PODN: variants seen among roughly 807,000 people sequenced by gnomAD.
PODN encodes the protein podocan, also known as podocan proteoglycan.
In PODN, 40 loss-of-function variants were observed where a neutral mutation model predicts 52.7. The ratio of observed to expected loss-of-function variants is 0.76; its 90% CI spans 0.59 to 0.99. The LOEUF (loss-of-function observed/expected upper bound fraction) is 0.99. PODN is among the 50% of genes least tolerant of loss of function. The pLI, the probability that PODN is intolerant of heterozygous loss-of-function variation, is 0.00. For missense variants in PODN, 720 were observed against 815.1 expected (o/e 0.88, Z 1.42); for synonymous variants, 396 against 377.9 (o/e 1.05, Z -0.56).
intron 1 of PODN, 39 bp downstream of exon 1, chr1:53,062,347 G>C: frequency 8.2e-7 from 1 of 1,226,430 alleles, no homozygotes; most frequent in Non-Finnish European, 1.0e-6. Flanking sequence ...CGAGGGGCCG[G>C]GGGCTGAGCC....
intron 9 of PODN, among the ~76,000 whole-genome samples, chr1:53,081,265 G>A (rs1572278947): frequency 6.6e-6 from 1 of 152,350 alleles, no homozygotes; most frequent in Non-Finnish European, 1.5e-5. Context: ...GGGGCTAAGA[G>A]ATGGGGATTT....
chr1:53,077,834 C>A (rs781142584), intron 7 of PODN, 34 bp downstream of exon 7: 1 of 1,586,546 alleles, frequency 6.3e-7, no homozygotes, highest in Non-Finnish European at 8.6e-7. Flanking sequence ...CTTGGCGTGA[C>A]CACGGGGCCC....
At chr1:53,075,771 T>A in intron 4 of PODN, 91 bp from the exon 5 acceptor site, 1 of 1,062,146 alleles carries the variant, frequency 9.4e-7, no homozygotes, top group Non-Finnish European at 1.4e-6. Flanking sequence ...GGAGACACAG[T>A]GAAGGGGCCC....
chr1:53,072,031 C>T (rs1017401265), intron 3 of PODN, among the ~76,000 whole-genome samples: 1 of 149,918 alleles, frequency 6.7e-6, no homozygotes, highest in Non-Finnish European at 1.5e-5. Flanking sequence ...TCATCAATTC[C>T]ATTACAGGTC....
chr1:53,077,278 C>A lies in PODN; in HGVS notation c.670C>A (p.Leu224Met). 1 of 1,613,470 alleles carries A rather than the reference C, an allele frequency of 6.2e-7. No individual in the cohort carries two copies. The highest frequency in any genetic ancestry group is 8.5e-7 in the Non-Finnish European group (1 of 1,180,026). The stretch of plus-strand genomic sequence containing the variant: ...CTCCAGCAACGTCGAGGTCCTCATC[C>A]TGTCCAGCAACTTCCTGCGCCACGT... ...NGSSNVEVLI[L>M]SSNFLRHVPK... Residue 224 changes from leucine (L) to methionine (M), a missense_variant, in exon 6 of 11, where the codon CTG (leucine) becomes ATG (methionine). By Grantham distance (15) the Leu-to-Met change is conservative (BLOSUM62 2). Transcript: ENST00000312553.
At chr1:53,079,127 G>A in intron 8 of PODN, 105 bp downstream of exon 8, 2 of 1,362,098 alleles carry the variant, frequency 1.5e-6, no homozygotes, top group Non-Finnish European at 1.9e-6. Flanking sequence ...TGGGTGGTGA[G>A]GGAGGTTCCT....
chr1:53,080,200 G>A (rs1644262006), intron 8 of PODN, among the ~76,000 whole-genome samples: 1 of 152,102 alleles, frequency 6.6e-6, no homozygotes, highest in African/African-American at 2.4e-5. Flanking sequence ...GGTCACTGTG[G>A]GTCTCACACC....
At chr1:53,072,349 C>G (rs1222952857) in intron 3 of PODN, among the ~76,000 whole-genome samples, 2 of 152,190 alleles carry the variant, frequency 1.3e-5, no homozygotes, top group African/African-American at 4.8e-5. Context: ...CTATGCAACT[C>G]TGTCTTAAGC....
At chr1:53,080,323 G>A (rs1288394) in intron 8 of PODN, among the ~76,000 whole-genome samples, 147,126 of 152,310 alleles carry the variant, frequency 0.97, 71,273 homozygotes, top group East Asian at 1. Flanking sequence ...CAGAGTCTGG[G>A]GGATCCCTGG....
chr1:53,069,514 C>A (rs1644079705), intron 1 of PODN, among the ~76,000 whole-genome samples: 1 of 152,224 alleles, frequency 6.6e-6, no homozygotes, highest in South Asian at 2.1e-4. Context: ...TCAGCACAGT[C>A]CAGGTCGTGT....
Position 53,069,800 on chromosome 1 carries a change from G to A in PODN, c.-55-1G>A, listed in dbSNP as rs1015809950. The A allele has an allele frequency of 3.8e-6, 6 of 1,578,224 alleles. No individual in the cohort carries two copies. The African/African-American group carries it at 8.1e-5, about 21-fold the overall frequency. On this transcript the variant is annotated splice_acceptor_variant, in intron 1 of 10. Coordinates refer to ENST00000312553, the MANE Select transcript of PODN (RefSeq NM_153703.5). LOFTEE classifies it low-confidence loss of function (5UTR_SPLICE). ...CCAGCTGTGTCCACTGTACCTCACAGGTTCCGTCAGCCCTGGCGCCCAGGC... is the reference window on the plus strand; with the variant it reads ...CCAGCTGTGTCCACTGTACCTCACAAGTTCCGTCAGCCCTGGCGCCCAGGC...
At chr1:53,077,426 T>C in intron 6 of PODN, 80 bp downstream of exon 6, 1 of 1,561,208 alleles carries the variant, frequency 6.4e-7, no homozygotes, top group Non-Finnish European at 8.7e-7. Context: ...GGGGAAGAGC[T>C]CAGGCCCACA....
chr1:53,066,693 AAC>A, intron 1 of PODN: 1 of 860,640 alleles, frequency 1.2e-6, no homozygotes, highest in Non-Finnish European at 1.8e-6. Flanking sequence ...TTTGCCACTT[AAC>A]AGCTGTTCAC....
At chr1:53,079,665 C>T (rs1034766307) in intron 8 of PODN, among the ~76,000 whole-genome samples, 7 of 152,160 alleles carry the variant, frequency 4.6e-5, no homozygotes, top group Admixed American at 4.6e-4. Flanking sequence ...ACATAGTTCA[C>T]TTTGGTAACA....
intron 2 of PODN, chr1:53,071,244 G>T (rs1644112291): frequency 1.4e-5 from 4 of 281,642 alleles, no homozygotes; most frequent in Non-Finnish European, 2.6e-5. Context: ...CGCTCCAGGA[G>T]CACGCCTGGA....
intron 2 of PODN, 91 bp downstream of exon 2, chr1:53,070,258 C>A: frequency 6.4e-7 from 1 of 1,557,664 alleles, no homozygotes; most frequent in Non-Finnish European, 8.6e-7. Flanking sequence ...GCAAACTGTT[C>A]ACCCAGAACC....
chr1:53,067,124 C>T (rs1432031962), intron 1 of PODN, among the ~76,000 whole-genome samples: 1 of 152,074 alleles, frequency 6.6e-6, no homozygotes, highest in African/African-American at 2.4e-5. Flanking sequence ...GTGGAGTGAG[C>T]GTAGGGCTGG....
At chr1:53,071,507 G>A (rs776701661) in intron 2 of PODN, 28 bp from the exon 3 acceptor site, 2 of 1,581,446 alleles carry the variant, frequency 1.3e-6, no homozygotes, top group South Asian at 2.2e-5. Context: ...GGCTGATGCT[G>A]CTTCCTTGCG....
chr1:53,074,005 G>T (rs1407719730), intron 3 of PODN, among the ~76,000 whole-genome samples: 1 of 152,378 alleles, frequency 6.6e-6, no homozygotes, highest in East Asian at 1.9e-4. Flanking sequence ...GTGGCAGCAG[G>T]GTGTTCCATG....
Sources: allele counts gnomAD v4.1 joint callset (sites outside exome capture counted in the v4.1 genomes callset), GRCh38; gene constraint gnomAD v4.1.1; transcripts MANE v1.5; gene names NCBI Gene and HGNC (gene_info 2026-07-23, HGNC 2026-07-21).